The following PECR variants were observed in gnomAD, a reference collection of about 807,000 sequenced individuals.
The protein encoded by PECR is peroxisomal trans-2-enoyl-CoA reductase, also known as 2,4-dienoyl-CoA reductase-related protein.
Under a neutral mutation model 35.3 loss-of-function variants are expected in PECR, and 30 were observed. The observed-to-expected ratio is 0.85, with a 90% CI of 0.64 to 1.15. The LOEUF is 1.15. Ranked by LOEUF, PECR falls within the 50% of genes most tolerant of loss-of-function variation. The pLI is 0.00. For synonymous variants in PECR, 148 were observed against 138.9 expected (o/e 1.07, Z -0.46); for missense variants, 392 against 370.8 (o/e 1.06, Z -0.47).
downstream of PECR, among the ~76,000 whole-genome samples, chr2:216,034,496 C>T (rs1330360436): frequency 6.6e-6 from 1 of 152,172 alleles, no homozygotes; most frequent in Admixed American, 6.5e-5. Flanking sequence ...TTGGACTGTA[C>T]TGCAGTCTGT....
chr2:216,059,569 G>C (rs1276619581), intron 3 of PECR, among the ~76,000 whole-genome samples: 1 of 152,154 alleles, frequency 6.6e-6, no homozygotes, highest in African/African-American at 2.4e-5. Flanking sequence ...TGTTAACTCT[G>C]TTTAGCTTTT....
At chr2:216,049,999 T>C (rs555811220) in intron 5 of PECR, among the ~76,000 whole-genome samples, 19 of 152,108 alleles carry the variant, frequency 1.2e-4, no homozygotes, top group Non-Finnish European at 2.6e-4. Context: ...TGGAGGATTG[T>C]GTGAGCCTAG....
chr2:216,052,575 T>C lies in PECR; in HGVS notation c.507-1030A>G, dbSNP rs114127711. Among the ~76,000 whole-genome samples, 1,221 of 152,366 alleles carry C rather than the reference T, an allele frequency of 8.0e-3. 15 individuals carry two copies. Among genetic ancestry groups the C allele is most frequent in the African/African-American group, 0.027 (1,104 of 41,588 alleles). On this transcript the variant is annotated intron_variant, in intron 4 of 7. Coordinates refer to ENST00000265322, the MANE Select transcript of PECR (RefSeq NM_018441.6). ...AACTTTTAACTTGCATTGGTGCTGA[T>C]GAGAAATCTGCTTCTGTATACAATG...
intron 1 of PECR, among the ~76,000 whole-genome samples, chr2:216,077,472 A>G (rs1360915730): frequency 6.8e-6 from 1 of 147,898 alleles, no homozygotes; most frequent in African/African-American, 2.5e-5. Flanking sequence ...GCGCCACCGC[A>G]CTCCAGCCTG....
At chr2:216,072,882 G>C (rs568768730) in intron 1 of PECR, among the ~76,000 whole-genome samples, 9 of 152,294 alleles carry the variant, frequency 5.9e-5, no homozygotes, top group Non-Finnish European at 1.2e-4. Context: ...TAAACACCCA[G>C]TAGTGGGTTT....
intron 4 of PECR, among the ~76,000 whole-genome samples, chr2:216,052,224 C>A (rs1324435590): frequency 6.6e-6 from 1 of 151,700 alleles, no homozygotes; most frequent in East Asian, 1.9e-4. Context: ...TAGATAGACA[C>A]CATGGCTTAG....
At chr2:216,075,502 C>T (rs1472716997) in intron 1 of PECR, among the ~76,000 whole-genome samples, 1 of 152,120 alleles carries the variant, frequency 6.6e-6, no homozygotes, top group Non-Finnish European at 1.5e-5. Flanking sequence ...TAATTTATTG[C>T]AAACCTCTTA....
At chr2:216,057,100 G>T (rs1206137751) in intron 4 of PECR, among the ~76,000 whole-genome samples, 1 of 152,072 alleles carries the variant, frequency 6.6e-6, no homozygotes, top group East Asian at 1.9e-4. Flanking sequence ...ACTCATAAAG[G>T]AACTACAACT....
intron 4 of PECR, among the ~76,000 whole-genome samples, chr2:216,053,988 G>A (rs1695173997): frequency 6.6e-6 from 1 of 152,060 alleles, no homozygotes; most frequent in African/African-American, 2.4e-5. Context: ...TCTTATGAAA[G>A]AAATGACTGA....
intron 2 of PECR, among the ~76,000 whole-genome samples, chr2:216,066,074 A>T (rs966619224): frequency 6.6e-6 from 1 of 152,184 alleles, no homozygotes; most frequent in Non-Finnish European, 1.5e-5. Flanking sequence ...CAGTGAGCCG[A>T]TATAGTGCCA....
intron 7 of PECR, among the ~76,000 whole-genome samples, chr2:216,032,448 C>T (rs953345415): frequency 3.9e-5 from 6 of 152,330 alleles, no homozygotes; most frequent in South Asian, 2.1e-4. Flanking sequence ...TGCAACCCTC[C>T]GTTGACCCAG....
At chr2:216,045,964 G>A (rs1260724938) in intron 6 of PECR, among the ~76,000 whole-genome samples, 1 of 152,088 alleles carries the variant, frequency 6.6e-6, no homozygotes, top group East Asian at 1.9e-4. Flanking sequence ...GATCACCTGA[G>A]GCCAGGAATT....
At chr2:216,048,863 A>C (rs1695047819) in intron 6 of PECR, among the ~76,000 whole-genome samples, 1 of 151,386 alleles carries the variant, frequency 6.6e-6, no homozygotes, top group African/African-American at 2.4e-5. Context: ...AAAAAAAAAA[A>C]AAACCGCTGC....
intron 4 of PECR, among the ~76,000 whole-genome samples, chr2:216,057,531 G>A (rs1184423123): frequency 1.3e-5 from 2 of 152,146 alleles, no homozygotes; most frequent in Non-Finnish European, 2.9e-5. Flanking sequence ...CTGTGAGGAT[G>A]GGAAATGCCA....
intron 1 of PECR, among the ~76,000 whole-genome samples, chr2:216,076,244 T>C (rs946323682): frequency 9.2e-5 from 14 of 152,156 alleles, no homozygotes; most frequent in East Asian, 1.9e-4. Context: ...CCAGGCCAGA[T>C]TGCAGTGGCG....
intron 7 of PECR, among the ~76,000 whole-genome samples, chr2:216,032,155 C>A (rs1267043585): frequency 6.6e-6 from 1 of 152,154 alleles, no homozygotes; most frequent in African/African-American, 2.4e-5. Context: ...CAAATCCTTG[C>A]TATTTAAGTC....
chr2:216,039,571 G>A (rs112468860), intron 7 of PECR, among the ~76,000 whole-genome samples: 3 of 152,332 alleles, frequency 2.0e-5, no homozygotes, highest in African/African-American at 7.2e-5. Context: ...GTCTCTTCCT[G>A]AGCCTCAGTT....
Position 216,081,674 on chromosome 2 carries a change from A to AC in PECR, c.67dup (p.Val23GlyfsTer22), listed in dbSNP as rs759685361. 1.9e-6 allele frequency: 3 copies of AC among 1,613,560 alleles called. No homozygotes were observed. In the African/African-American group the frequency reaches 4.0e-5, roughly 22 times the overall value. ...TCCGATGCCCGTGGCCCCGCCGGTGACGATGGCCACTTGGCCCTGCAGCAA... is the reference window on the plus strand; with the variant it reads ...TCCGATGCCCGTGGCCCCGCCGGTGACCGATGGCCACTTGGCCCTGCAGCAA... On this transcript the variant is annotated frameshift_variant, in exon 1 of 8. Transcript: ENST00000265322. LOFTEE classifies it high-confidence loss of function.
intron 5 of PECR, among the ~76,000 whole-genome samples, chr2:216,050,338 G>A (rs1182462650): frequency 3.3e-5 from 5 of 152,146 alleles, no homozygotes; most frequent in Non-Finnish European, 7.3e-5. Flanking sequence ...TAGAAAATGT[G>A]GCAGTTTTAA....
Sources: allele counts gnomAD v4.1 joint callset (sites outside exome capture counted in the v4.1 genomes callset), GRCh38; gene constraint gnomAD v4.1.1; transcripts MANE v1.5; gene names NCBI Gene and HGNC (gene_info 2026-07-23, HGNC 2026-07-21).